Variants in SHANK2 observed in about 807,000 individuals in gnomAD.
The protein encoded by SHANK2 is SH3 and multiple ankyrin repeat domains protein 2.
Under a neutral mutation model 133.7 loss-of-function variants are expected in SHANK2, and 43 were observed. The ratio of observed to expected loss-of-function variants is 0.32; its 90% confidence interval spans 0.25 to 0.41. SHANK2 has a LOEUF of 0.41. Among genes scored for constraint, SHANK2 ranks in the 10% least tolerant of loss-of-function variants. The pLI, the probability that SHANK2 is intolerant of heterozygous loss-of-function variation, is 1.00. For missense variants in SHANK2, 1,994 were observed against 2,235.8 expected (o/e 0.89, Z 2.18); for synonymous variants, 1,017 against 952.8 (o/e 1.07, Z -1.24).
chr11:71,156,037 C>T lies in SHANK2; in HGVS notation c.-12-8699G>A, dbSNP rs116087962. The stretch of plus-strand genomic sequence containing the variant: ...AGGGGCACCTGGGGGTGCATGCGCA[C>T]AGAGGGATGATCACAGGAAGACACA... On this transcript the variant is annotated intron_variant, in intron 2 of 25. Transcript: ENST00000601538. Among the ~76,000 whole-genome samples, 1,113 of 152,302 alleles carry T rather than the reference C, an allele frequency of 7.3e-3. 15 individuals are homozygous for T. Among genetic ancestry groups the T allele is most frequent in the African/African-American group, 0.026 (1,070 of 41,562 alleles).
intron 2 of SHANK2, among the ~76,000 whole-genome samples, chr11:71,158,434 T>C (rs527316952): frequency 3.9e-5 from 6 of 152,326 alleles, no homozygotes; most frequent in African/African-American, 1.4e-4. Context: ...AAAGTAATAC[T>C]ACATAGCATT....
chr11:71,080,770 C>A (rs1409929315), intron 8 of SHANK2, among the ~76,000 whole-genome samples: 3 of 152,190 alleles, frequency 2.0e-5, no homozygotes, highest in Non-Finnish European at 4.4e-5. Flanking sequence ...CAAGCAAATC[C>A]CCCTCGCATG....
chr11:70,774,691 G>A (rs1947325353), intron 14 of SHANK2, among the ~76,000 whole-genome samples: 1 of 152,112 alleles, frequency 6.6e-6, no homozygotes, highest in Non-Finnish European at 1.5e-5. Flanking sequence ...GGTGATGTTT[G>A]CACAATCTCG....
intron 14 of SHANK2, among the ~76,000 whole-genome samples, chr11:70,712,152 T>C (rs551599354): frequency 2.0e-5 from 3 of 152,248 alleles, no homozygotes; most frequent in African/African-American, 7.2e-5. Flanking sequence ...GTTCCTCGGA[T>C]CCTGGCCACT....
At chr11:71,184,483 C>A (rs1953632564) in intron 2 of SHANK2, among the ~76,000 whole-genome samples, 1 of 152,170 alleles carries the variant, frequency 6.6e-6, no homozygotes, top group Non-Finnish European at 1.5e-5. Flanking sequence ...GATGGTTCAA[C>A]AATACTGAAG....
intron 21 of SHANK2, among the ~76,000 whole-genome samples, chr11:70,498,543 A>G (rs2059005426): frequency 6.6e-6 from 1 of 152,208 alleles, no homozygotes; most frequent in African/African-American, 2.4e-5. Context: ...CCTGCCTGAC[A>G]GCCGGCTTCT....
Position 70,486,255 on chromosome 11 carries a change from G to A in SHANK2, c.4038C>T (p.Ser1346=), listed in dbSNP as rs782480181. ...EVEMKPDSSP[S]EVPEGVSETE... is the part of the protein sequence containing the mutation. ...TTTCGGAAACACCTTCTGGCACCTCGGACGGCGAGCTGTCTGGCTTCATCT... is the reference window on the plus strand; with the variant it reads ...TTTCGGAAACACCTTCTGGCACCTCAGACGGCGAGCTGTCTGGCTTCATCT... Residue 1346 remains serine (S), a synonymous_variant, in exon 25 of 26, where the codon TCC becomes TCT. Coordinates refer to ENST00000601538, the MANE Select transcript of SHANK2 (RefSeq NM_012309.5). This position sits in a 1 kb window ranked among gnomAD's most constrained non-coding sequence, Gnocchi z 8.0. 1.2e-6 allele frequency: 2 copies of A among 1,613,978 alleles called. No individual in the cohort carries two copies. The highest frequency in any genetic ancestry group is 1.7e-6 in the Non-Finnish European group (2 of 1,180,028).
At chr11:71,230,467 G>A (rs1555122812) in intron 1 of SHANK2, among the ~76,000 whole-genome samples, 1 of 152,042 alleles carries the variant, frequency 6.6e-6, no homozygotes, top group Admixed American at 6.5e-5. Flanking sequence ...TACTCGGGAG[G>A]CTGAGGCAGG....
At chr11:71,090,790 G>A (rs373084213) in intron 8 of SHANK2, among the ~76,000 whole-genome samples, 1 of 152,178 alleles carries the variant, frequency 6.6e-6, no homozygotes, top group African/African-American at 2.4e-5. Flanking sequence ...AATCACGGAG[G>A]CTGTAAGTCT....
In SHANK2 at chr11:70,534,080, G is replaced by A. The variant is rs115429825; in HGVS notation, c.2062-31149C>T. On this transcript the variant is annotated intron_variant, in intron 17 of 25. Transcript: ENST00000601538. ...GAGTAAAGGCCAGTATCTGCTAGGC[G>A]CTGCCCTAGAGGGGCAGTGTATTAG... 1.3e-3 allele frequency among the ~76,000 whole-genome samples: 205 copies of A among 152,304 alleles called. 2 individuals carry two copies. The highest frequency in any genetic ancestry group is 4.6e-3 in the African/African-American group (191 of 41,560).
intron 11 of SHANK2, among the ~76,000 whole-genome samples, chr11:70,861,187 AG>A (rs1949253403): frequency 6.6e-6 from 1 of 152,232 alleles, no homozygotes; most frequent in Admixed American, 6.5e-5. Context: ...TGCAGTTGGA[AG>A]GTCATGTTTA....
chr11:70,659,678 C>T (rs542942292), intron 17 of SHANK2, 150 bp downstream of exon 17: 29 of 937,824 alleles, frequency 3.1e-5, no homozygotes, highest in East Asian at 1.3e-4. Context: ...GTGGCACCCA[C>T]GGTGGGAGAA....
chr11:71,059,033 A>G (rs1357384050), intron 9 of SHANK2, among the ~76,000 whole-genome samples: 1 of 152,150 alleles, frequency 6.6e-6, no homozygotes, highest in Non-Finnish European at 1.5e-5. Context: ...TGGCAACAAC[A>G]TGGTGAAACC....
chr11:71,154,589 C>T (rs1952862436), intron 2 of SHANK2, among the ~76,000 whole-genome samples: 1 of 152,238 alleles, frequency 6.6e-6, no homozygotes, highest in Non-Finnish European at 1.5e-5. Flanking sequence ...GTGGACTGCT[C>T]TGGAAGTTTC....
At chr11:71,127,711 A>G (rs1367940899) in intron 3 of SHANK2, among the ~76,000 whole-genome samples, 3 of 152,256 alleles carry the variant, frequency 2.0e-5, no homozygotes, top group African/African-American at 7.2e-5. Context: ...GAGTATAAAT[A>G]TAACTTTAAT....
At chr11:70,530,904 G>A (rs2059459434) in intron 17 of SHANK2, among the ~76,000 whole-genome samples, 1 of 152,078 alleles carries the variant, frequency 6.6e-6, no homozygotes, top group South Asian at 2.1e-4. Flanking sequence ...GGTGGCTCAT[G>A]CTTGTAATCC....
intron 12 of SHANK2, among the ~76,000 whole-genome samples, chr11:70,809,133 G>C (rs1158894307): frequency 6.6e-6 from 1 of 152,244 alleles, no homozygotes; most frequent in Non-Finnish European, 1.5e-5. Flanking sequence ...CACGGAGGAA[G>C]TTGGCCAGAA....
Position 70,500,030 on chromosome 11 carries a change from G to A in SHANK2, c.2308+540C>T, listed in dbSNP as rs376442308. Among the ~76,000 whole-genome samples, 51 of 152,262 alleles carry A rather than the reference G, an allele frequency of 3.3e-4. No individual in the cohort carries two copies. The East Asian group carries it at 5.2e-3, about 16-fold the overall frequency. ...GAACCTGAGTCTATCTGGGGCCTGC[G>A]GTCCGGCTGCCCACAGCCACAGTGA... On this transcript the variant is annotated intron_variant, in intron 21 of 25. Coordinates refer to ENST00000601538, the MANE Select transcript of SHANK2 (RefSeq NM_012309.5). This position sits in a 1 kb window ranked among gnomAD's most constrained non-coding sequence, Gnocchi z 4.5.
At chr11:70,702,421 T>C (rs1221772539) in intron 14 of SHANK2, among the ~76,000 whole-genome samples, 1 of 151,210 alleles carries the variant, frequency 6.6e-6, no homozygotes, top group Non-Finnish European at 1.5e-5. Context: ...ATCATCATCA[T>C]CACCACCATC....
Sources: gnomAD v4.1 joint callset for allele counts (sites outside exome capture counted in the v4.1 genomes callset) on GRCh38, gnomAD v4.1.1 for gene constraint, Gnocchi (gnomAD v3.1) non-coding constraint, MANE v1.5 for transcripts, NCBI Gene and HGNC (gene_info 2026-07-23, HGNC 2026-07-21) for gene names.